The following HS6ST2 variants were observed in gnomAD, a reference collection of about 807,000 sequenced individuals.
HS6ST2 encodes heparan sulfate 6-O-sulfotransferase 2.
Under a neutral mutation model 33.0 loss-of-function variants are expected in HS6ST2, and 17 were observed. The observed-to-expected ratio is 0.52, with a 90% CI of 0.35 to 0.77. The LOEUF (loss-of-function observed/expected upper bound fraction) is 0.77, where lower values mean the gene tolerates loss of function less well. Ranked by LOEUF, HS6ST2 falls within the 30% of genes least tolerant of loss-of-function variation. The pLI, the probability that HS6ST2 is intolerant of heterozygous loss-of-function variation, is 0.01. For synonymous variants in HS6ST2, 248 were observed against 237.1 expected (o/e 1.05, Z -0.42); for missense variants, 519 against 551.7 (o/e 0.94, Z 0.59).
intron 2 of HS6ST2, among the ~76,000 whole-genome samples, chrX:132,829,177 C>CATATAT (rs71855456): frequency 4.6e-4 from 29 of 63,671 alleles, no homozygotes; most frequent in African/African-American, 1.8e-3. Context: ...AGGTAAGGAA[C>CATATAT]ATATATATAT....
chrX:132,869,120 T>A (rs1355916907), intron 2 of HS6ST2, among the ~76,000 whole-genome samples: 1 of 110,299 alleles, frequency 9.1e-6, no homozygotes, highest in African/African-American at 3.3e-5. Context: ...CCCAAAGAAA[T>A]ACAAACTACC....
chrX:132,884,044 A>C (rs188454673), intron 2 of HS6ST2, among the ~76,000 whole-genome samples: 1 of 111,847 alleles, frequency 8.9e-6, no homozygotes, highest in African/African-American at 3.2e-5. Context: ...TGCAATATTG[A>C]CTGACTTATG....
intron 4 of HS6ST2, among the ~76,000 whole-genome samples, chrX:132,637,024 G>C (rs1388470692): frequency 8.9e-6 from 1 of 112,315 alleles, no homozygotes; most frequent in Non-Finnish European, 1.9e-5. Flanking sequence ...CTTCAATCCA[G>C]GTCTCTCTCA....
chrX:132,755,156 A>G (rs1216432646), intron 2 of HS6ST2, among the ~76,000 whole-genome samples: 1 of 112,550 alleles, frequency 8.9e-6, no homozygotes, highest in African/African-American at 3.2e-5. Context: ...TCATCCATTT[A>G]TTTAACCATT....
chrX:132,894,468 T>TTGTTA (rs61054237), intron 2 of HS6ST2, among the ~76,000 whole-genome samples: 10,500 of 91,667 alleles, frequency 0.11, 653 homozygotes, highest in East Asian at 0.24. Context: ...GAAATTCCTA[T>TTGTTA]TGTTATGTTA....
chrX:132,882,065 T>G, intron 2 of HS6ST2, among the ~76,000 whole-genome samples: 1 of 111,768 alleles, frequency 8.9e-6, no homozygotes. Flanking sequence ...GCGTGATGCC[T>G]CCAGCCTTGT....
rs2063493990 is a variant in HS6ST2 at position 132,628,435 on chromosome X, C to A, written c.1726G>T (p.Gly576Cys). The change falls in exon 5 of 5, where the codon GGC becomes TGC. Residue 576 changes from glycine to cysteine, a missense_variant. Gly to Cys is a radical substitution (Grantham distance 159, BLOSUM62 -3). Transcript: ENST00000370833. ...LQTHFQSQGQGQSQNPNQNQS... is the reference protein window; with the variant it reads ...LQTHFQSQGQCQSQNPNQNQS... ...TTCTGATTCGGATTCTGGCTCTGGCCCTGACCCTGGCTCTGGAAATGGGTC... is the reference window on the plus strand; with the variant it reads ...TTCTGATTCGGATTCTGGCTCTGGCACTGACCCTGGCTCTGGAAATGGGTC... 8.3e-7 allele frequency: 1 copy of A among 1,207,200 alleles called. No individual in the cohort carries two copies. The highest frequency in any genetic ancestry group is 1.8e-5 in the African/African-American group (1 of 56,755).
chrX:132,843,904 T>C (rs1235835086), intron 2 of HS6ST2, among the ~76,000 whole-genome samples: 2 of 111,740 alleles, frequency 1.8e-5, no homozygotes, highest in Non-Finnish European at 3.8e-5. Context: ...CAAAGGACCA[T>C]AGAAGAGGGG....
chrX:132,635,033 C>T (rs951120805), intron 4 of HS6ST2, among the ~76,000 whole-genome samples: 13 of 111,889 alleles, frequency 1.2e-4, no homozygotes, highest in Non-Finnish European at 2.4e-4. Context: ...TAACTTGTTG[C>T]TTATGAGTGT....
intron 3 of HS6ST2, among the ~76,000 whole-genome samples, chrX:132,686,776 T>C: frequency 8.9e-6 from 1 of 111,901 alleles, no homozygotes; most frequent in Non-Finnish European, 1.9e-5. Flanking sequence ...ATAATTAAAA[T>C]GTGGTGATGA....
At chrX:132,687,130 G>A (rs1395169002) in intron 3 of HS6ST2, among the ~76,000 whole-genome samples, 5 of 111,529 alleles carry the variant, frequency 4.5e-5, no homozygotes, top group East Asian at 2.8e-4. Flanking sequence ...AGCGCTTTTC[G>A]TTCTTTGCCA....
intron 2 of HS6ST2, among the ~76,000 whole-genome samples, chrX:132,739,013 T>TACCACTGGGAGTCACTTC (rs777607360): frequency 8.9e-6 from 1 of 112,137 alleles, no homozygotes; most frequent in African/African-American, 3.2e-5. Flanking sequence ...CAAGTCACTT[T>TACCACTGGGAGTCACTTC]ACCACTGGGA....
At chrX:132,668,773 G>GCTC (rs1460341876) in intron 4 of HS6ST2, among the ~76,000 whole-genome samples, 1 of 111,357 alleles carries the variant, frequency 9.0e-6, no homozygotes, top group African/African-American at 3.3e-5. Context: ...AATCAGTGCT[G>GCTC]CTGCTGCTGC....
intron 2 of HS6ST2, among the ~76,000 whole-genome samples, chrX:132,793,501 ATCT>A (rs1433128607): frequency 9.0e-6 from 1 of 111,617 alleles, no homozygotes; most frequent in African/African-American, 3.3e-5. Context: ...AATGGTTCCC[ATCT>A]TCCTCCTGTA....
At position 132,767,203 on chromosome X, in the gene HS6ST2, T is replaced by C. The variant is rs938380484; in HGVS notation, c.948-58709A>G. ...TCAAGGGGCAACGCCACCGCTGCTG[T>C]CAATCCTGCTACTCCTCTCCCTTTT... On this transcript the variant is annotated intron_variant, in intron 2 of 4. Transcript: ENST00000370833. Among the ~76,000 whole-genome samples, 67 of 112,428 alleles carry C rather than the reference T, an allele frequency of 6.0e-4. 1 individual carries two copies. Among genetic ancestry groups the C allele is most frequent in the African/African-American group, 2.1e-3 (65 of 31,047 alleles).
Position 132,627,129 on chromosome X carries a change from A to G in HS6ST2, c.*1094T>C, listed in dbSNP as rs1485466192. The G allele has an allele frequency of 2.7e-5, 3 of 112,635 alleles. No individual in the cohort carries two copies. The highest frequency in any genetic ancestry group is 9.7e-5 in the African/African-American group (3 of 30,938). 9.3% of individuals were successfully genotyped at this position (112,635 alleles called of 1,213,427 possible). On this transcript the variant is annotated 3_prime_UTR_variant, in exon 5 of 5. Coordinates refer to ENST00000370833, the MANE Select transcript of HS6ST2 (RefSeq NM_001394073.1). ...CCCAACTGGAAACATTACAATAGAG[A>G]TGTACAAAAAGTAAGTAAGAGTTCA...
chrX:132,784,986 T>C (rs768607591), intron 2 of HS6ST2, among the ~76,000 whole-genome samples: 5 of 111,832 alleles, frequency 4.5e-5, no homozygotes, highest in Non-Finnish European at 7.5e-5. Context: ...GATATCCTTG[T>C]CCAGAGATAT....
At chrX:132,844,189 T>C (rs2065729668) in intron 2 of HS6ST2, among the ~76,000 whole-genome samples, 1 of 111,455 alleles carries the variant, frequency 9.0e-6, no homozygotes, top group Admixed American at 9.6e-5. Flanking sequence ...GGAGGTTTCC[T>C]GGACTCATCC....
chrX:132,954,542 C>T (rs1409966433), intron 2 of HS6ST2, among the ~76,000 whole-genome samples: 1 of 112,133 alleles, frequency 8.9e-6, no homozygotes, highest in African/African-American at 3.2e-5. Flanking sequence ...GGTCCTGCAA[C>T]CTCCTAGGGG....
Sources: allele counts gnomAD v4.1 joint callset (sites outside exome capture counted in the v4.1 genomes callset), GRCh38; gene constraint gnomAD v4.1.1; transcripts MANE v1.5; gene names NCBI Gene and HGNC (gene_info 2026-07-23, HGNC 2026-07-21).